The following OPCML variants were observed in gnomAD, a reference collection of about 807,000 sequenced individuals.
The protein encoded by OPCML is opioid binding protein/cell adhesion molecule like.
A neutral mutation model predicts 37.8 loss-of-function variants in OPCML; 13 were observed. The ratio of observed to expected loss-of-function variants is 0.34; its 90% CI spans 0.22 to 0.55. The LOEUF is 0.55. Ranked by LOEUF, OPCML falls within the 20% of genes least tolerant of loss-of-function variation. OPCML has a pLI of 0.91. For missense variants in OPCML, 341 were observed against 435.6 expected (o/e 0.78, Z 1.93); for synonymous variants, 176 against 168.8 (o/e 1.04, Z -0.33).
chr11:133,508,575 C>A (rs900922108), intron 1 of OPCML, among the ~76,000 whole-genome samples: 2 of 152,244 alleles, frequency 1.3e-5, no homozygotes, highest in Non-Finnish European at 2.9e-5. Context: ...GTCCAGCCCA[C>A]AGGAATCATC....
At chr11:132,878,181 CA>C (rs11426663) in intron 2 of OPCML, among the ~76,000 whole-genome samples, 7,839 of 147,712 alleles carry the variant, frequency 0.053, 286 homozygotes, top group South Asian at 0.13. Context: ...AATTCCATCT[CA>C]AAAAAAAAAA....
intron 1 of OPCML, among the ~76,000 whole-genome samples, chr11:133,072,132 G>A (rs545973666): frequency 6.6e-6 from 1 of 152,326 alleles, no homozygotes; most frequent in South Asian, 2.1e-4. Flanking sequence ...GGGATGGGGA[G>A]AGACCGCTAA....
At chr11:132,679,140 G>C (rs1362968673) in intron 2 of OPCML, among the ~76,000 whole-genome samples, 1 of 152,124 alleles carries the variant, frequency 6.6e-6, no homozygotes, top group Non-Finnish European at 1.5e-5. Context: ...AATCCTCAGG[G>C]ACTGCTTGTG....
intron 1 of OPCML, among the ~76,000 whole-genome samples, chr11:133,018,870 G>A (rs975069562): frequency 6.6e-6 from 1 of 152,210 alleles, no homozygotes; most frequent in African/African-American, 2.4e-5. Flanking sequence ...CCTTAAATGA[G>A]GACTGACAAA....
intron 4 of OPCML, among the ~76,000 whole-genome samples, chr11:132,500,693 C>G (rs2137120381): frequency 6.6e-6 from 1 of 152,174 alleles, no homozygotes; most frequent in South Asian, 2.1e-4. Context: ...TCCTAATGCT[C>G]TCTCTCTCCT....
At chr11:132,980,826 C>T (rs1008473397) in intron 1 of OPCML, among the ~76,000 whole-genome samples, 1 of 152,194 alleles carries the variant, frequency 6.6e-6, no homozygotes, top group African/African-American at 2.4e-5. Flanking sequence ...AAGGAAAGTC[C>T]GCTGTGAATT....
chr11:132,457,831 A>G (rs192634796), intron 4 of OPCML, among the ~76,000 whole-genome samples: 39 of 152,324 alleles, frequency 2.6e-4, no homozygotes, highest in African/African-American at 9.1e-4. Context: ...TGCTCACTCA[A>G]TGCCTTGTTG....
At chr11:132,835,879 C>A (rs1468779665) in intron 2 of OPCML, among the ~76,000 whole-genome samples, 1 of 152,318 alleles carries the variant, frequency 6.6e-6, no homozygotes, top group Admixed American at 6.5e-5. Context: ...GTATCACTTT[C>A]TCTTCATTTC....
Position 132,790,746 on chromosome 11 carries a change from A to G in OPCML, c.147-133427T>C, listed in dbSNP as rs534603783. Among the ~76,000 whole-genome samples the G allele has an allele frequency of 2.0e-5, 3 of 152,340 alleles. No individual in the cohort carries two copies. The South Asian group carries it at 6.2e-4, about 32-fold the overall frequency. On this transcript the variant is annotated intron_variant, in intron 2 of 7. Transcript: ENST00000524381. ...TTTCCATCTCTTCGGGTGGAGGCACATGCACACACCTGCATGCCATTCAGA... is the reference window on the plus strand; with the variant it reads ...TTTCCATCTCTTCGGGTGGAGGCACGTGCACACACCTGCATGCCATTCAGA...
intron 2 of OPCML, among the ~76,000 whole-genome samples, chr11:132,697,050 T>G (rs1376467237): frequency 6.6e-6 from 1 of 152,236 alleles, no homozygotes; most frequent in Admixed American, 6.5e-5. Flanking sequence ...TCATCAGGAC[T>G]GACAACAGTT....
chr11:133,289,056 C>A (rs2136532185), intron 1 of OPCML, among the ~76,000 whole-genome samples: 1 of 152,244 alleles, frequency 6.6e-6, no homozygotes, highest in African/African-American at 2.4e-5. Context: ...GTGAGAAAGT[C>A]ACAGCCATGA....
chr11:133,343,903 G>T (rs1190517564), intron 1 of OPCML, among the ~76,000 whole-genome samples: 1 of 152,066 alleles, frequency 6.6e-6, no homozygotes, highest in Non-Finnish European at 1.5e-5. Context: ...TTTAAAAAAA[G>T]CGCTATAAAT....
intron 2 of OPCML, among the ~76,000 whole-genome samples, chr11:132,741,699 A>T (rs1241565391): frequency 1.3e-5 from 2 of 152,182 alleles, no homozygotes; most frequent in African/African-American, 4.8e-5. Context: ...TATTTTCGAT[A>T]TTCATTCATT....
chr11:132,668,094 TAATA>T (rs1331083546), intron 2 of OPCML, among the ~76,000 whole-genome samples: 3 of 152,194 alleles, frequency 2.0e-5, no homozygotes, highest in African/African-American at 4.8e-5. Context: ...TTAGAAGTCT[TAATA>T]AAGTCCTTGA....
intron 1 of OPCML, among the ~76,000 whole-genome samples, chr11:132,968,845 T>A (rs1946274926): frequency 6.6e-6 from 1 of 152,312 alleles, no homozygotes; most frequent in East Asian, 1.9e-4. Context: ...TACTTCCTCC[T>A]TCCCTATTAA....
intron 4 of OPCML, among the ~76,000 whole-genome samples, chr11:132,515,191 T>C (rs1238500144): frequency 6.6e-6 from 1 of 152,118 alleles, no homozygotes; most frequent in Non-Finnish European, 1.5e-5. Flanking sequence ...TAAGGTATCA[T>C]TAAAACCAAA....
At chr11:132,546,072 A>G (rs1221550579) in intron 3 of OPCML, among the ~76,000 whole-genome samples, 1 of 152,212 alleles carries the variant, frequency 6.6e-6, no homozygotes, top group Non-Finnish European at 1.5e-5. Context: ...AGCTTATATA[A>G]CTAAATTTTT....
intron 1 of OPCML, among the ~76,000 whole-genome samples, chr11:133,483,795 T>TGATAGATGATAGATAGATAGATAGATA (rs59881013): frequency 1.6e-4 from 21 of 132,426 alleles, no homozygotes; most frequent in South Asian, 4.7e-4. Context: ...GATACATAGA[T>TGATAGATGATAGATAGATAGATAGATA]GATAGATAGA....
At chr11:132,804,854 C>T (rs1275980239) in intron 2 of OPCML, among the ~76,000 whole-genome samples, 4 of 151,946 alleles carry the variant, frequency 2.6e-5, no homozygotes, top group African/African-American at 9.7e-5. Flanking sequence ...ATCTATAATG[C>T]CAATATTCAA....
Sources: allele counts gnomAD v4.1 joint callset (sites outside exome capture counted in the v4.1 genomes callset), GRCh38; gene constraint gnomAD v4.1.1; transcripts MANE v1.5; gene names NCBI Gene and HGNC (gene_info 2026-07-23, HGNC 2026-07-21).